GLT6D1: variants seen among roughly 807,000 people sequenced by gnomAD.
The protein encoded by GLT6D1 is putative glycosyltransferase 6 domain-containing protein 1.
In GLT6D1, 9 loss-of-function variants were observed where a neutral mutation model predicts 12.3. That is an observed-to-expected ratio of 0.73 (90% confidence interval 0.44 to 1.27). GLT6D1 has a LOEUF of 1.27. GLT6D1 is among the 50% of genes most tolerant of loss of function. GLT6D1 has a pLI of 0.00. For synonymous variants in GLT6D1, 128 were observed against 132.3 expected (o/e 0.97, Z 0.23); for missense variants, 335 against 346.2 (o/e 0.97, Z 0.26).
intron 2 of GLT6D1, among the ~76,000 whole-genome samples, chr9:135,634,039 A>G (rs962538099): frequency 6.6e-6 from 1 of 152,320 alleles, no homozygotes; most frequent in Admixed American, 6.5e-5. Flanking sequence ...GAAACTCTTT[A>G]TAACTGGCCA....
chr9:135,632,931 G>A (rs1315497314), intron 2 of GLT6D1, among the ~76,000 whole-genome samples: 2 of 152,116 alleles, frequency 1.3e-5, no homozygotes, highest in African/African-American at 4.8e-5. Context: ...GCCTCCCAGA[G>A]TGCTGGGATT....
chr9:135,624,157 T>A lies in GLT6D1; in HGVS notation c.771A>T (p.Gly257=). ...LNGVIHDIKN[G]LNSTYEKHLN... is the part of the protein sequence containing the mutation. ...GGTGCTTTTCATAAGTGCTATTGAGTCCATTTTTGATGTCATGAATAACTC... is the reference window on the plus strand; with the variant it reads ...GGTGCTTTTCATAAGTGCTATTGAGACCATTTTTGATGTCATGAATAACTC... The change falls in exon 5 of 5, where the codon GGA becomes GGT. Residue 257 remains glycine, a synonymous_variant. Transcript: ENST00000371763. 6.2e-7 allele frequency: 1 copy of A among 1,613,738 alleles called. No homozygotes were observed. Among genetic ancestry groups the A allele is most frequent in the South Asian group, 1.1e-5 (1 of 90,950 alleles).
chr9:135,627,298 A>C (rs1833545120), intron 3 of GLT6D1, among the ~76,000 whole-genome samples: 1 of 152,258 alleles, frequency 6.6e-6, no homozygotes, highest in Admixed American at 6.5e-5. Flanking sequence ...TCAGGATACA[A>C]GATCAGCACA....
At chr9:135,636,358 C>A (rs957508868) in intron 2 of GLT6D1, among the ~76,000 whole-genome samples, 1 of 151,760 alleles carries the variant, frequency 6.6e-6, no homozygotes, top group Non-Finnish European at 1.5e-5. Context: ...TGTCTCAAAA[C>A]AAAACAAAAC....
At chr9:135,634,914 G>A (rs556159387) in intron 2 of GLT6D1, among the ~76,000 whole-genome samples, 8 of 152,228 alleles carry the variant, frequency 5.3e-5, no homozygotes, top group South Asian at 2.1e-4. Flanking sequence ...GCTTCTCCAC[G>A]CAAAGACTGC....
chr9:135,624,724 CTTTTTTTTTT>C (rs72471205), intron 4 of GLT6D1, 54 bp from the exon 5 acceptor site: 10 of 565,534 alleles, frequency 1.8e-5, no homozygotes, highest in African/African-American at 9.9e-5. Context: ...TCTTTTCTTT[CTTTTTTTTTT>C]TTTTTTTTTT....
At chr9:135,638,127 T>G (rs556839629) in intron 2 of GLT6D1, among the ~76,000 whole-genome samples, 3 of 152,190 alleles carry the variant, frequency 2.0e-5, no homozygotes, top group Non-Finnish European at 4.4e-5. Flanking sequence ...GCAAAAGGCA[T>G]GTCTTCCATG....
Position 135,626,793 on chromosome 9 carries a change from C to T in GLT6D1, c.120-587G>A, listed in dbSNP as rs141363234. ...ATGAGAGATGAGTCCAAAACCGGAG[C>T]GAGCCATCCGATTTGCCTTCAATAC... On this transcript the variant is annotated intron_variant, in intron 3 of 4. Transcript: ENST00000371763. Among the ~76,000 whole-genome samples the T allele has an allele frequency of 3.7e-3, 556 of 152,204 alleles. 1 individual carries two copies. The highest frequency in any genetic ancestry group is 0.012 in the African/African-American group (514 of 41,522).
In GLT6D1 at chr9:135,639,212, A is replaced by G. The variant is rs767124749; in HGVS notation, c.-6-19T>C. On this transcript the variant is annotated intron_variant, in intron 1 of 4. Transcript: ENST00000371763. ...TTCTCTCCTAGGGAAAGAAGGAGAA[A>G]AAATTAGATTTTAAGCAATAAAAAA... 1.8e-5 allele frequency: 25 copies of G among 1,354,218 alleles called. No homozygotes were observed. The highest frequency in any genetic ancestry group is 2.6e-5 in the Non-Finnish European group (25 of 954,992). The allele number at this position is 1,354,218 out of a possible 1,614,324, so 83.9% of individuals were successfully genotyped here. A position where few individuals can be genotyped will look rare whatever the true frequency, so the allele number is the denominator to read the frequency against.
intron 3 of GLT6D1, among the ~76,000 whole-genome samples, 153 bp from the exon 4 acceptor site, chr9:135,626,359 C>T (rs1168102860): frequency 2.6e-5 from 4 of 151,778 alleles, no homozygotes; most frequent in African/African-American, 9.7e-5. Flanking sequence ...CTTGCAACGC[C>T]CTATGCAATG....
rs1179094434 is a variant in GLT6D1 at position 135,624,519 on chromosome 9, C to T, written c.409G>A (p.Val137Met). 1 of 1,613,962 alleles carries T rather than the reference C, an allele frequency of 6.2e-7. No individual in the cohort carries two copies. Among genetic ancestry groups the T allele is most frequent in the East Asian group, 2.2e-5 (1 of 44,884 alleles). The change falls in exon 5 of 5, where the codon GTG becomes ATG. Residue 137 changes from valine to methionine, a missense_variant. Val to Met is a conservative substitution (Grantham distance 21). Coordinates refer to ENST00000371763, the MANE Select transcript of GLT6D1 (RefSeq NM_182974.3). ...TCGAGCCACCACCTCTCGGTGCCCA[C>T]TTTAAATGCTTTGAACGTTCGAAGA... ...SPLRTFKAFK[V>M]GTERWWLDGP...
intron 2 of GLT6D1, among the ~76,000 whole-genome samples, chr9:135,638,616 A>C (rs1348677709): frequency 6.6e-6 from 1 of 152,196 alleles, no homozygotes; most frequent in African/African-American, 2.4e-5. Context: ...AAATAGAATG[A>C]AAGCTCCCTG....
intron 2 of GLT6D1, among the ~76,000 whole-genome samples, chr9:135,635,914 G>A (rs1282835163): frequency 6.6e-6 from 1 of 152,136 alleles, no homozygotes; most frequent in African/African-American, 2.4e-5. Context: ...GCTCCCCCAT[G>A]CCTCATCCAT....
In GLT6D1 at chr9:135,638,271, G is replaced by A. The variant is rs566268847; in HGVS notation, c.71+846C>T. Among the ~76,000 whole-genome samples, 23 of 152,198 alleles carry A rather than the reference G, an allele frequency of 1.5e-4. 1 individual carries two copies. The highest frequency in any genetic ancestry group is 3.3e-4 in the Admixed American group (5 of 15,284). On this transcript the variant is annotated intron_variant, in intron 2 of 4. Coordinates refer to ENST00000371763, the MANE Select transcript of GLT6D1 (RefSeq NM_182974.3). ...CCCCCATGATTCAATTACCTCCCCC[G>A]GGTCCCTCCCACAACACGTGGGAAT...
intron 3 of GLT6D1, among the ~76,000 whole-genome samples, chr9:135,630,320 C>T (rs183299333): frequency 1.2e-3 from 178 of 150,392 alleles, no homozygotes; most frequent in African/African-American, 4.3e-3. Flanking sequence ...GCAGGAGAAT[C>T]GTGTGAACCC....
Position 135,624,039 on chromosome 9 carries a change from A to G in GLT6D1, c.*58T>C, listed in dbSNP as rs1833421671. On this transcript the variant is annotated 3_prime_UTR_variant, in exon 5 of 5. Coordinates refer to ENST00000371763, the MANE Select transcript of GLT6D1 (RefSeq NM_182974.3). ...TGGGAATCATGTGCGACCTTGACGT[A>G]TTGGATCTGTGGAGGAGGAGAAAAT... 2.8e-6 allele frequency: 3 copies of G among 1,055,594 alleles called. No individual in the cohort carries two copies. The highest frequency in any genetic ancestry group is 4.3e-6 in the Non-Finnish European group (3 of 699,536). The allele number at this position is 1,055,594 out of a possible 1,614,324, so 65.4% of individuals were successfully genotyped here. A position where few individuals can be genotyped will look rare whatever the true frequency, so the allele number is the denominator to read the frequency against.
intron 3 of GLT6D1, among the ~76,000 whole-genome samples, chr9:135,627,802 A>C (rs778116732): frequency 6.6e-6 from 1 of 152,132 alleles, no homozygotes; most frequent in Non-Finnish European, 1.5e-5. Flanking sequence ...TGAAATTTCA[A>C]ATTTCTCCAC....
intron 4 of GLT6D1, 84 bp from the exon 5 acceptor site, chr9:135,624,754 G>C (rs1179170470): frequency 4.7e-6 from 4 of 843,004 alleles, no homozygotes; most frequent in African/African-American, 2.0e-5. Flanking sequence ...TTTTGAGATG[G>C]AGTCTCCCTC....
Position 135,638,128 on chromosome 9 carries a change from G to T in GLT6D1, c.71+989C>A, listed in dbSNP as rs575167800. Among the ~76,000 whole-genome samples the T allele has an allele frequency of 5.4e-4, 82 of 152,330 alleles. No individual in the cohort carries two copies. The South Asian group carries it at 0.012, about 22-fold the overall frequency. On this transcript the variant is annotated intron_variant, in intron 2 of 4. Coordinates refer to ENST00000371763, the MANE Select transcript of GLT6D1 (RefSeq NM_182974.3). The stretch of plus-strand genomic sequence containing the variant: ...AATCATGGCAGGAGGCAAAAGGCAT[G>T]TCTTCCATGGCAGCGGCAAGAGAAA...
Sources: gnomAD v4.1 joint callset for allele counts (sites outside exome capture counted in the v4.1 genomes callset) on GRCh38, gnomAD v4.1.1 for gene constraint, MANE v1.5 for transcripts, NCBI Gene and HGNC (gene_info 2026-07-23, HGNC 2026-07-21) for gene names.